Variants in DMD observed in about 807,000 individuals in gnomAD.
The protein encoded by DMD is mutant dystrophin.
In DMD, 63 loss-of-function variants were observed where a neutral mutation model predicts 330.1. That is an observed-to-expected ratio of 0.19 (90% CI 0.16 to 0.24). The LOEUF (loss-of-function observed/expected upper bound fraction) is 0.24. Among genes scored for constraint, DMD ranks in the 10% least tolerant of loss-of-function variants. The pLI is 1.00. For missense variants in DMD, 3,344 were observed against 2,684.1 expected (o/e 1.25, Z -5.43); for synonymous variants, 1,223 against 959.8 (o/e 1.27, Z -5.07).
intron 52 of DMD, among the ~76,000 whole-genome samples, chrX:31,700,349 C>T (rs894524950): frequency 8.9e-6 from 1 of 111,846 alleles, no homozygotes; most frequent in Admixed American, 9.5e-5. Flanking sequence ...AATGGCAAAA[C>T]GTTTTGCTCA....
chrX:32,720,278 A>C (rs2147891098), intron 7 of DMD, among the ~76,000 whole-genome samples: 1 of 111,462 alleles, frequency 9.0e-6, no homozygotes, highest in African/African-American at 3.2e-5. Flanking sequence ...TAACGGTCTA[A>C]TACCAAGACT....
At chrX:32,876,077 G>A (rs750179761) in intron 2 of DMD, among the ~76,000 whole-genome samples, 8 of 111,159 alleles carry the variant, frequency 7.2e-5, no homozygotes, top group Non-Finnish European at 1.5e-4. Flanking sequence ...GGAGATTATT[G>A]GATATCCCAT....
At chrX:32,348,097 T>C (rs1673945802) in intron 38 of DMD, among the ~76,000 whole-genome samples, 1 of 111,006 alleles carries the variant, frequency 9.0e-6, no homozygotes, top group African/African-American at 3.3e-5. Context: ...TTATTAAATT[T>C]TTAGTTTATT....
intron 1 of DMD, among the ~76,000 whole-genome samples, chrX:33,037,846 AAT>A (rs2094230400): frequency 8.9e-6 from 1 of 112,322 alleles, no homozygotes; most frequent in African/African-American, 3.2e-5. Context: ...ATTTCCTTTT[AAT>A]ATGTTTGTTT....
At chrX:32,160,452 C>G (rs1160399055) in intron 44 of DMD, among the ~76,000 whole-genome samples, 1 of 109,978 alleles carries the variant, frequency 9.1e-6, no homozygotes, top group African/African-American at 3.3e-5. Context: ...CCAGGCTGGT[C>G]TCGAACTCCT....
chrX:32,737,034 G>T (rs987192965), intron 7 of DMD, among the ~76,000 whole-genome samples: 1 of 110,740 alleles, frequency 9.0e-6, no homozygotes, highest in African/African-American at 3.3e-5. Flanking sequence ...AAAATATCAT[G>T]CTCATAAATA....
chrX:32,343,642 C>A (rs2097754993), intron 39 of DMD, among the ~76,000 whole-genome samples: 1 of 111,329 alleles, frequency 9.0e-6, no homozygotes, highest in African/African-American at 3.3e-5. Flanking sequence ...TACAAACTCA[C>A]AAACCTAGTG....
intron 7 of DMD, among the ~76,000 whole-genome samples, chrX:32,782,494 G>T (rs1381816513): frequency 3.6e-5 from 4 of 111,368 alleles, no homozygotes; most frequent in Non-Finnish European, 5.7e-5. Context: ...CTAGATGATT[G>T]TGTGTAAAAG....
intron 1 of DMD, among the ~76,000 whole-genome samples, chrX:33,279,255 A>G (rs1270249974): frequency 1.8e-5 from 2 of 112,041 alleles, no homozygotes; most frequent in Non-Finnish European, 3.8e-5. Flanking sequence ...AGAAATCAAT[A>G]CCAAGAGGAC....
chrX:31,297,574 T>G (rs888840950), intron 62 of DMD, among the ~76,000 whole-genome samples: 1 of 111,820 alleles, frequency 8.9e-6, no homozygotes, highest in East Asian at 2.8e-4. Flanking sequence ...AAAAGGAAGA[T>G]AGTAGGTGCT....
chrX:32,274,844 G>A (rs911250215), intron 43 of DMD, among the ~76,000 whole-genome samples: 1 of 111,960 alleles, frequency 8.9e-6, no homozygotes, highest in African/African-American at 3.2e-5. Flanking sequence ...TTGTTGTAAG[G>A]AGACGCTTTG....
intron 50 of DMD, among the ~76,000 whole-genome samples, chrX:31,778,805 G>A (rs943158530): frequency 6.3e-5 from 7 of 110,869 alleles, no homozygotes; most frequent in African/African-American, 2.3e-4. Context: ...TCCTGACCTC[G>A]TGATCTGCCT....
chrX:31,244,960 C>A (rs780299031), intron 63 of DMD, among the ~76,000 whole-genome samples: 1 of 111,829 alleles, frequency 8.9e-6, no homozygotes, highest in East Asian at 2.8e-4. Flanking sequence ...ACATGGCACG[C>A]TCTTAAATGT....
intron 67 of DMD, among the ~76,000 whole-genome samples, chrX:31,187,224 T>G (rs753043264): frequency 6.2e-5 from 7 of 112,584 alleles, no homozygotes; most frequent in Non-Finnish European, 1.1e-4. Flanking sequence ...GAATCATGTT[T>G]GCTATTGTTA....
intron 16 of DMD, among the ~76,000 whole-genome samples, chrX:32,550,921 T>C (rs760222510): frequency 2.5e-4 from 28 of 110,684 alleles, no homozygotes; most frequent in African/African-American, 8.9e-4. Flanking sequence ...CTTACAACTT[T>C]CCAAGTTTGA....
intron 1 of DMD, among the ~76,000 whole-genome samples, chrX:33,036,152 G>A (rs1465956110): frequency 4.5e-5 from 5 of 110,947 alleles, no homozygotes; most frequent in East Asian, 2.8e-4. Flanking sequence ...CAGAGAGACA[G>A]ATGCATTATT....
At chrX:32,803,889 T>C (rs191398834) in intron 7 of DMD, among the ~76,000 whole-genome samples, 1 of 112,357 alleles carries the variant, frequency 8.9e-6, no homozygotes, top group African/African-American at 3.2e-5. Flanking sequence ...TCGTCAATTT[T>C]AGAATAAGTG....
intron 1 of DMD, chrX:33,128,347 C>A (rs2095477660): frequency 9.7e-7 from 1 of 1,025,743 alleles, no homozygotes; most frequent in East Asian, 3.6e-5. Flanking sequence ...GACAAACACA[C>A]AATCTTTTTG....
chrX:32,360,653 G>A (rs1054354504), intron 37 of DMD, among the ~76,000 whole-genome samples: 30 of 108,509 alleles, frequency 2.8e-4, no homozygotes, highest in African/African-American at 8.7e-4. Context: ...CAGGTGTCAC[G>A]GCGCCCGCCC....
Sources: gnomAD v4.1 joint callset for allele counts (sites outside exome capture counted in the v4.1 genomes callset) on GRCh38, gnomAD v4.1.1 for gene constraint, MANE v1.5 for transcripts, NCBI Gene and HGNC (gene_info 2026-07-23, HGNC 2026-07-21) for gene names.